SNTG1: variants seen among roughly 807,000 people sequenced by gnomAD.
SNTG1 encodes gamma-1-syntrophin.
In SNTG1, 39 loss-of-function variants were observed where a neutral mutation model predicts 74.7. The ratio of observed to expected loss-of-function variants is 0.52; its 90% confidence interval spans 0.40 to 0.68. SNTG1 has a LOEUF of 0.68. Among genes scored for constraint, SNTG1 ranks in the 30% least tolerant of loss-of-function variants. The pLI is 0.00. For missense variants in SNTG1, 685 were observed against 609.5 expected (o/e 1.12, Z -1.30); for synonymous variants, 254 against 217.1 (o/e 1.17, Z -1.49).
chr8:50,180,443 AAAAG>A (rs1466315135), intron 2 of SNTG1, among the ~76,000 whole-genome samples: 1 of 152,206 alleles, frequency 6.6e-6, no homozygotes, highest in African/African-American at 2.4e-5. Context: ...ATACATACAA[AAAAG>A]AAAGTAATAA....
At chr8:50,383,132 A>T (rs1031438796) in intron 2 of SNTG1, among the ~76,000 whole-genome samples, 12 of 152,320 alleles carry the variant, frequency 7.9e-5, no homozygotes, top group Admixed American at 7.2e-4. Context: ...GACACATAAA[A>T]GTAACCATCA....
chr8:49,964,026 T>C (rs1810926109), intron 1 of SNTG1, among the ~76,000 whole-genome samples: 1 of 152,200 alleles, frequency 6.6e-6, no homozygotes, highest in Non-Finnish European at 1.5e-5. Context: ...CATGTATGCC[T>C]CACAAAAGTC....
chr8:50,299,658 T>G (rs1410685210), intron 2 of SNTG1, among the ~76,000 whole-genome samples: 2 of 152,140 alleles, frequency 1.3e-5, no homozygotes, highest in African/African-American at 2.4e-5. Flanking sequence ...ATATTGAAAT[T>G]TCAGCTTATA....
chr8:50,263,515 T>G (rs1056919363), intron 2 of SNTG1, among the ~76,000 whole-genome samples: 4 of 152,060 alleles, frequency 2.6e-5, no homozygotes, highest in African/African-American at 9.7e-5. Flanking sequence ...GAAACTAAAA[T>G]GACAGAAAAA....
chr8:50,101,200 ATGCTATGTCTT>A (rs1380942933), intron 1 of SNTG1, among the ~76,000 whole-genome samples: 1 of 152,004 alleles, frequency 6.6e-6, no homozygotes, highest in East Asian at 1.9e-4. Context: ...ATCTAGGTTT[ATGCTATGTCTT>A]TGCTAATGAT....
intron 15 of SNTG1, among the ~76,000 whole-genome samples, chr8:50,667,796 A>G (rs2095257846): frequency 1.3e-5 from 2 of 151,966 alleles, no homozygotes; most frequent in Non-Finnish European, 2.9e-5. Context: ...ATTGCTTTAC[A>G]TTTTATTAAG....
intron 15 of SNTG1, among the ~76,000 whole-genome samples, chr8:50,684,729 GT>G (rs1163252511): frequency 2.0e-4 from 27 of 134,648 alleles, no homozygotes; most frequent in Admixed American, 3.0e-4. Context: ...TTTTGTTTTT[GT>G]TTTTTTTTTC....
chr8:50,007,311 T>C (rs1815334586), intron 1 of SNTG1, among the ~76,000 whole-genome samples: 1 of 152,114 alleles, frequency 6.6e-6, no homozygotes, highest in South Asian at 2.1e-4. Context: ...CCTGGCCTGC[T>C]TTCTCTTTGA....
At chr8:50,484,100 CTCTCTTTCTT>C (rs1563453083) in intron 8 of SNTG1, among the ~76,000 whole-genome samples, 22 of 104,328 alleles carry the variant, frequency 2.1e-4, no homozygotes, top group African/African-American at 6.0e-4. Context: ...CTCTTTCTTT[CTCTCTTTCTT>C]TCTTTCTTTC....
chr8:50,236,672 G>C (rs527738210), intron 2 of SNTG1, among the ~76,000 whole-genome samples: 3 of 151,820 alleles, frequency 2.0e-5, no homozygotes, highest in East Asian at 1.9e-4. Flanking sequence ...GGATGGTCTC[G>C]ATCTCCTGAC....
At chr8:50,359,202 C>T (rs1587302265) in intron 2 of SNTG1, among the ~76,000 whole-genome samples, 1 of 152,170 alleles carries the variant, frequency 6.6e-6, no homozygotes, top group African/African-American at 2.4e-5. Flanking sequence ...GCTTTGTGCT[C>T]AGTCTTCCTC....
At chr8:50,023,024 A>G (rs1816957582) in intron 1 of SNTG1, among the ~76,000 whole-genome samples, 1 of 152,212 alleles carries the variant, frequency 6.6e-6, no homozygotes, top group Non-Finnish European at 1.5e-5. Context: ...TTTTCTGTGA[A>G]TATACGATAG....
chr8:50,343,052 G>A lies in SNTG1; in HGVS notation c.-27-51160G>A, dbSNP rs10282856. Among the ~76,000 whole-genome samples the A allele has an allele frequency of 6.0e-3, 911 of 152,244 alleles. 7 individuals are homozygous for A. Among genetic ancestry groups the A allele is most frequent in the African/African-American group, 0.021 (854 of 41,546 alleles). On this transcript the variant is annotated intron_variant, in intron 2 of 18. Coordinates refer to ENST00000642720, the MANE Select transcript of SNTG1 (RefSeq NM_018967.5). ...TGGGATCAAAACCAGAAAACAAACA[G>A]AGATACACAAATCAAAACAAAATTT...
intron 12 of SNTG1, among the ~76,000 whole-genome samples, chr8:50,565,089 G>T (rs2094508698): frequency 6.6e-6 from 1 of 151,940 alleles, no homozygotes; most frequent in Non-Finnish European, 1.5e-5. Context: ...CATAATCCTA[G>T]TCTCATCATG....
At chr8:50,720,431 A>G (rs1157148986) in intron 17 of SNTG1, among the ~76,000 whole-genome samples, 2 of 152,184 alleles carry the variant, frequency 1.3e-5, no homozygotes, top group African/African-American at 2.4e-5. Context: ...TGCATCAATT[A>G]TGCTACATGA....
At chr8:50,487,599 A>G (rs2131856501) in intron 8 of SNTG1, among the ~76,000 whole-genome samples, 1 of 150,962 alleles carries the variant, frequency 6.6e-6, no homozygotes, top group African/African-American at 2.4e-5. Context: ...AAAAAACCAA[A>G]CACTGCATAT....
chr8:50,192,122 C>T (rs2083600162), intron 2 of SNTG1, among the ~76,000 whole-genome samples: 1 of 152,046 alleles, frequency 6.6e-6, no homozygotes, highest in Admixed American at 6.6e-5. Flanking sequence ...GGCATCCCAC[C>T]CTGAGTGCAG....
intron 5 of SNTG1, among the ~76,000 whole-genome samples, chr8:50,441,608 A>G (rs909107426): frequency 4.6e-5 from 7 of 152,116 alleles, no homozygotes; most frequent in South Asian, 2.1e-4. Context: ...AATATGACTT[A>G]AGTAAGTCCG....
rs184525695 is a variant in SNTG1 at position 50,572,237 on chromosome 8, T to C, written c.811-18642T>C. ...CAGAGACTTAGGATTATTTATTGTA[T>C]GTTTGTTTCTATCACCTATTTTATA... On this transcript the variant is annotated intron_variant, in intron 12 of 18. Coordinates refer to ENST00000642720, the MANE Select transcript of SNTG1 (RefSeq NM_018967.5). 8.7e-3 allele frequency among the ~76,000 whole-genome samples: 1,261 copies of C among 145,720 alleles called. 16 individuals carry two copies. Among genetic ancestry groups the C allele is most frequent in the Non-Finnish European group, 0.013 (868 of 66,984 alleles).
Sources: allele counts gnomAD v4.1 joint callset (sites outside exome capture counted in the v4.1 genomes callset), GRCh38; gene constraint gnomAD v4.1.1; transcripts MANE v1.5; gene names NCBI Gene and HGNC (gene_info 2026-07-23, HGNC 2026-07-21).